Variants in HMCN1 observed in about 807,000 individuals in gnomAD.
The protein encoded by HMCN1 is hemicentin 1, also known as hemicentin-1.
HMCN1 carries 321 observed loss-of-function variants against 625.9 expected under a neutral mutation model. The ratio of observed to expected loss-of-function variants is 0.51; its 90% CI spans 0.47 to 0.56. The LOEUF (loss-of-function observed/expected upper bound fraction) is 0.56. Among genes scored for constraint, HMCN1 ranks in the 20% least tolerant of loss-of-function variants. The probability of loss-of-function intolerance (pLI) is 0.00; values close to 1 mark genes in which losing one functional copy is unlikely to be tolerated. For synonymous variants in HMCN1, 2,425 were observed against 2,417.6 expected (o/e 1.00, Z -0.09); for missense variants, 6,588 against 6,887.3 (o/e 0.96, Z 1.54).
At chr1:185,988,692 G>C (rs1219336255) in intron 20 of HMCN1, among the ~76,000 whole-genome samples, 1 of 152,150 alleles carries the variant, frequency 6.6e-6, no homozygotes, top group Non-Finnish European at 1.5e-5. Flanking sequence ...TTAAGAACTT[G>C]GGCTCTAGAG....
intron 72 of HMCN1, among the ~76,000 whole-genome samples, chr1:186,113,776 T>TA (rs1025591614): frequency 5.4e-4 from 83 of 152,344 alleles, no homozygotes; most frequent in African/African-American, 1.8e-3. Context: ...TTCCCCTCCC[T>TA]ATCTACCCTT....
chr1:186,022,909 GA>G, intron 35 of HMCN1, 120 bp from the exon 36 acceptor site: 1 of 984,250 alleles, frequency 1.0e-6, no homozygotes, highest in Non-Finnish European at 1.6e-6. Context: ...GGTTTATTAA[GA>G]TATTGGCATG....
chr1:185,933,871 T>C (rs1173377111), intron 11 of HMCN1, 47 bp downstream of exon 11: 3 of 1,587,204 alleles, frequency 1.9e-6, no homozygotes, highest in Admixed American at 3.3e-5. Context: ...TTCTGTCCTC[T>C]ATTTTTAAAA....
chr1:185,950,115 G>T (rs569251711), intron 11 of HMCN1, among the ~76,000 whole-genome samples: 2 of 151,548 alleles, frequency 1.3e-5, no homozygotes, highest in Admixed American at 1.3e-4. Flanking sequence ...ATGTCAGGTG[G>T]ATCAGAGAGA....
chr1:185,760,837 A>G (rs912979373), intron 1 of HMCN1, among the ~76,000 whole-genome samples: 2 of 152,160 alleles, frequency 1.3e-5, no homozygotes, highest in East Asian at 1.9e-4. Context: ...AAAACTTTAC[A>G]AAGTATTACT....
chr1:186,145,637 G>A, intron 92 of HMCN1, 64 bp downstream of exon 92: 2 of 1,609,196 alleles, frequency 1.2e-6, no homozygotes, highest in African/African-American at 2.7e-5. Context: ...CATTGTAGCA[G>A]GCCTATTGCT....
intron 1 of HMCN1, among the ~76,000 whole-genome samples, chr1:185,765,769 A>C (rs1655835499): frequency 6.6e-6 from 1 of 152,214 alleles, no homozygotes. Context: ...CTGGGAACTT[A>C]GTATAAATGC....
At chr1:185,837,642 TTTATATAAACATGG>T (rs1661248991) in intron 1 of HMCN1, among the ~76,000 whole-genome samples, 1 of 152,198 alleles carries the variant, frequency 6.6e-6, no homozygotes, top group African/African-American at 2.4e-5. Context: ...TATATATTCT[TTTATATAAACATGG>T]TTTTTCTCTC....
At chr1:185,747,610 G>A (rs961700052) in intron 1 of HMCN1, among the ~76,000 whole-genome samples, 9 of 152,064 alleles carry the variant, frequency 5.9e-5, no homozygotes, top group African/African-American at 1.7e-4. Context: ...ATGAGCCACC[G>A]CACCCGGCCC....
rs754916185 is a variant in HMCN1 at position 185,911,717 on chromosome 1, T to C, written c.837T>C (p.Asn279=). 2.0e-5 allele frequency: 32 copies of C among 1,613,562 alleles called. No individual in the cohort carries two copies. The South Asian group carries it at 3.5e-4, about 18-fold the overall frequency. ...GATTTGGCCTGCATGAGCTATTAAA[T>C]ATCCATAACTCTGCCAAAGTAGTGA... ...KKGFGLHELL[N]IHNSAKVVNV... The change falls in exon 6 of 107, where the codon AAT becomes AAC. Residue 279 remains asparagine (N), a synonymous_variant. Coordinates refer to ENST00000271588, the MANE Select transcript of HMCN1 (RefSeq NM_031935.3).
chr1:186,061,051 T>G (rs1657656597), intron 46 of HMCN1, among the ~76,000 whole-genome samples: 1 of 152,090 alleles, frequency 6.6e-6, no homozygotes, highest in Non-Finnish European at 1.5e-5. Flanking sequence ...CTTACCATTT[T>G]CTCCACCTGC....
Position 186,078,112 on chromosome 1 carries a change from C to T in HMCN1, c.8491C>T (p.Arg2831Ter), listed in dbSNP as rs768442823. ...TAGTGGGATATTATTTTCAGGAGGG[C>T]GAGTGTTGCAGATTCCTCGGGCTAA... Reference protein sequence around the residue: ...SDKVLILPGGRVLQIPRAKVE... With the variant: ...SDKVLILPGG The change falls in exon 55 of 107, where the codon CGA (arginine) becomes TGA (stop). Residue 2831 changes from arginine (R) to a stop codon, truncating the protein, a stop_gained. Transcript: ENST00000271588. LOFTEE classifies it high-confidence loss of function. The T allele has an allele frequency of 1.9e-6, 3 of 1,610,446 alleles. No homozygotes were observed. Among genetic ancestry groups the T allele is most frequent in the Non-Finnish European group, 2.5e-6 (3 of 1,177,178 alleles).
In HMCN1 at chr1:186,136,740, A is replaced by G. The variant is rs1649629870; in HGVS notation, c.13385A>G (p.Gln4462Arg). Residue 4462 changes from glutamine (Q) to arginine (R), a missense_variant, in exon 87 of 107, where the codon CAG becomes CGG. Gln to Arg is a conservative substitution (Grantham distance 43). Transcript: ENST00000271588. ...NAGGKIILNC[Q>R]ATGEPQPTIT... ...GGTGGCAAAATCATATTGAATTGTC[A>G]GGCAACTGGAGAGCCTCAACCAACC... 1 of 1,614,030 alleles carries G rather than the reference A, an allele frequency of 6.2e-7. No individual in the cohort carries two copies.
At position 186,057,368 on chromosome 1, in the gene HMCN1, G is replaced by A. The variant is rs764921432; in HGVS notation, c.7279G>A (p.Val2427Ile). The A allele has an allele frequency of 1.9e-6, 3 of 1,610,822 alleles. No homozygotes were observed. The highest frequency in any genetic ancestry group is 4.5e-5 in the East Asian group (2 of 44,808). ...AACCTGGTTCAAAGATGGGTGGCCT[G>A]TCAGCCTTAGCAATTCTGTGAGGAT... ...SITWFKDGWP[V>I]SLSNSVRILS... Residue 2427 changes from valine to isoleucine, a missense_variant, in exon 46 of 107, where the codon GTC (valine) becomes ATC (isoleucine). Around this residue, in one of 3 missense-constraint regions of HMCN1, gnomAD observed 4,628 missense variants for 4,853.1 expected, o/e 0.95. Coordinates refer to ENST00000271588, the MANE Select transcript of HMCN1 (RefSeq NM_031935.3).
At chr1:185,806,482 G>A (rs1659176124) in intron 1 of HMCN1, among the ~76,000 whole-genome samples, 1 of 148,264 alleles carries the variant, frequency 6.7e-6, no homozygotes, top group Non-Finnish European at 1.5e-5. Context: ...AGGAGGTCAA[G>A]GCTTCAGTGA....
At position 186,144,264 on chromosome 1, in the gene HMCN1, C is replaced by G; in HGVS notation, c.14016C>G (p.Asn4672Lys). 1 of 1,613,998 alleles carries G rather than the reference C, an allele frequency of 6.2e-7. No homozygotes were observed. ...GTQTRARLCN[N>K]PPPAFGGSYC... ...AGACAAGAGCAAGACTTTGTAATAACCCACCACCAGCGTTTGGTGGGTCCT... is the reference window on the plus strand; with the variant it reads ...AGACAAGAGCAAGACTTTGTAATAAGCCACCACCAGCGTTTGGTGGGTCCT... Residue 4672 changes from asparagine (N) to lysine (K), a missense_variant, in exon 90 of 107, where the codon AAC becomes AAG. By Grantham distance (94) the Asn-to-Lys change is moderately conservative (BLOSUM62 0). Around this residue, in one of 3 missense-constraint regions of HMCN1, gnomAD observed 1,954 missense variants for 2,013.1 expected, o/e 0.97. Transcript: ENST00000271588.
At chr1:186,053,435 T>C (rs907665286) in intron 43 of HMCN1, among the ~76,000 whole-genome samples, 1 of 152,040 alleles carries the variant, frequency 6.6e-6, no homozygotes, top group Non-Finnish European at 1.5e-5. Flanking sequence ...GGTTCAGTCA[T>C]ACCCCAAACC....
chr1:186,123,043 C>G lies in HMCN1; in HGVS notation c.12322C>G (p.Pro4108Ala), dbSNP rs199581315. The G allele has an allele frequency of 1.2e-6, 2 of 1,614,146 alleles. No homozygotes were observed. Among genetic ancestry groups the G allele is most frequent in the African/African-American group, 2.7e-5 (2 of 75,056 alleles). ...CTGTGAAGCAGATGGCCTCCCTCCG[C>G]CTGACATTACATGGCATAAAGATGG... ...LSCEADGLPP[P>A]DITWHKDGRA... The change falls in exon 81 of 107, where the codon CCT (proline) becomes GCT (alanine). Residue 4108 changes from proline (P) to alanine (A), a missense_variant. Pro to Ala is a conservative substitution (Grantham distance 27). This residue lies in a region of HMCN1 where 1,954 missense variants were observed against 2,013.1 expected (regional missense o/e 0.97). Coordinates refer to ENST00000271588, the MANE Select transcript of HMCN1 (RefSeq NM_031935.3).
At chr1:185,911,486 G>A (rs77330594) in intron 5 of HMCN1, among the ~76,000 whole-genome samples, 188 bp from the exon 6 acceptor site, 4,167 of 152,182 alleles carry the variant, frequency 0.027, 172 homozygotes, top group African/African-American at 0.09. Flanking sequence ...GAAATTGAAT[G>A]TGTTTTATTT....
Sources: allele counts gnomAD v4.1 joint callset (sites outside exome capture counted in the v4.1 genomes callset), GRCh38; gene constraint gnomAD v4.1.1; regional missense constraint gnomAD v4.1.1; transcripts MANE v1.5; gene names NCBI Gene and HGNC (gene_info 2026-07-23, HGNC 2026-07-21).